Variants in SLC44A5 observed in about 807,000 individuals in gnomAD.
The protein encoded by SLC44A5 is solute carrier family 44 member 5.
In SLC44A5, 57 loss-of-function variants were observed where a neutral mutation model predicts 101.8. That is an observed-to-expected ratio of 0.56 (90% CI 0.45 to 0.70). The LOEUF is 0.70. Ranked by LOEUF, SLC44A5 falls within the 30% of genes least tolerant of loss-of-function variation. The pLI is 0.00. For synonymous variants in SLC44A5, 281 were observed against 290.9 expected (o/e 0.97, Z 0.35); for missense variants, 737 against 853.1 (o/e 0.86, Z 1.70).
chr1:75,357,216 C>T (rs1212492837), intron 3 of SLC44A5: 2 of 455,880 alleles, frequency 4.4e-6, no homozygotes, highest in Non-Finnish European at 8.8e-6. Flanking sequence ...TTGCTGGTGT[C>T]TTTCCAACCT....
chr1:75,424,795 G>A (rs548950606), intron 2 of SLC44A5, among the ~76,000 whole-genome samples: 7 of 152,140 alleles, frequency 4.6e-5, no homozygotes, highest in Admixed American at 1.3e-4. Flanking sequence ...GCAAGGAACA[G>A]GATTTACGTT....
At chr1:75,289,839 A>T (rs781780643) in intron 5 of SLC44A5, among the ~76,000 whole-genome samples, 1 of 152,236 alleles carries the variant, frequency 6.6e-6, no homozygotes, top group South Asian at 2.1e-4. Flanking sequence ...ATAGAGGCCA[A>T]TGATTTGGCT....
intron 2 of SLC44A5, among the ~76,000 whole-genome samples, chr1:75,528,367 A>G (rs991149595): frequency 4.6e-5 from 7 of 152,288 alleles, no homozygotes; most frequent in Middle Eastern, 3.4e-3. Flanking sequence ...TGAGAAGGAG[A>G]AAAAAAGGAT....
chr1:75,565,061 T>C (rs1457353632), intron 1 of SLC44A5, among the ~76,000 whole-genome samples: 1 of 152,194 alleles, frequency 6.6e-6, no homozygotes, highest in African/African-American at 2.4e-5. Context: ...AGAAAATAAA[T>C]GATTAGAAAT....
intron 1 of SLC44A5, among the ~76,000 whole-genome samples, chr1:75,564,199 A>C (rs548953278): frequency 1.3e-5 from 2 of 152,348 alleles, no homozygotes; most frequent in Admixed American, 1.3e-4. Context: ...AAACTACTGT[A>C]ATCTACTGTG....
intron 1 of SLC44A5, among the ~76,000 whole-genome samples, chr1:75,599,068 T>C (rs536705596): frequency 1.3e-5 from 2 of 152,280 alleles, no homozygotes; most frequent in East Asian, 3.9e-4. Flanking sequence ...AAAATAAAAT[T>C]ATGAAAATAT....
chr1:75,243,138 A>G, intron 7 of SLC44A5, 127 bp from the exon 8 acceptor site: 1 of 1,164,952 alleles, frequency 8.6e-7, no homozygotes. Context: ...TAAGAAACCT[A>G]AATCAATTTC....
intron 2 of SLC44A5, among the ~76,000 whole-genome samples, chr1:75,426,113 A>C (rs1322248360): frequency 6.6e-6 from 1 of 152,220 alleles, no homozygotes; most frequent in Non-Finnish European, 1.5e-5. Context: ...CCAAAAAAAG[A>C]AACGCTGAAA....
intron 2 of SLC44A5, among the ~76,000 whole-genome samples, chr1:75,527,065 G>T (rs1009800861): frequency 7.3e-5 from 11 of 151,498 alleles, no homozygotes; most frequent in Admixed American, 3.9e-4. Flanking sequence ...AAGCTGGGAG[G>T]CAGAGGCTGC....
intron 2 of SLC44A5, among the ~76,000 whole-genome samples, chr1:75,453,103 C>A (rs960176331): frequency 1.3e-5 from 2 of 152,122 alleles, no homozygotes; most frequent in African/African-American, 4.8e-5. Context: ...CTCATTTGCA[C>A]ACAGAAATTA....
the SLC44A5 span, among the ~76,000 whole-genome samples, chr1:75,683,789 T>C: frequency 3.0e-4 from 45 of 151,260 alleles, no homozygotes; most frequent in African/African-American, 1.1e-3. Flanking sequence ...TAAATAAGAC[T>C]TGGAAAAGAA....
chr1:75,332,453 A>G (rs1012954238), intron 4 of SLC44A5, among the ~76,000 whole-genome samples: 28 of 152,198 alleles, frequency 1.8e-4, no homozygotes, highest in Admixed American at 1.4e-3. Flanking sequence ...TAGAAATGAA[A>G]GCTTGAATGT....
chr1:75,553,239 G>T (rs554510276), intron 1 of SLC44A5, among the ~76,000 whole-genome samples: 1 of 152,180 alleles, frequency 6.6e-6, no homozygotes, highest in African/African-American at 2.4e-5. Context: ...ACTACCTATT[G>T]GGAGCCAGCC....
chr1:75,401,915 C>G (rs1662502593), intron 2 of SLC44A5, among the ~76,000 whole-genome samples: 2 of 152,062 alleles, frequency 1.3e-5, no homozygotes, highest in South Asian at 4.2e-4. Context: ...GCAATTCTAG[C>G]AGACAAAATT....
chr1:75,465,946 A>G (rs1666788719), intron 2 of SLC44A5, among the ~76,000 whole-genome samples: 1 of 152,220 alleles, frequency 6.6e-6, no homozygotes, highest in Non-Finnish European at 1.5e-5. Context: ...TTCTACAAAC[A>G]TTCAAAGAAA....
At chr1:75,488,960 T>C (rs1273484466) in intron 2 of SLC44A5, among the ~76,000 whole-genome samples, 1 of 152,198 alleles carries the variant, frequency 6.6e-6, no homozygotes, top group Non-Finnish European at 1.5e-5. Context: ...GCAATTCTCC[T>C]GCCTCAGCCT....
chr1:75,226,692 G>T (rs968485175), intron 13 of SLC44A5, among the ~76,000 whole-genome samples: 1 of 151,814 alleles, frequency 6.6e-6, no homozygotes, highest in African/African-American at 2.4e-5. Flanking sequence ...AATGTGTCTT[G>T]TCTGGCTCTC....
At chr1:75,499,382 C>T (rs527359724) in intron 2 of SLC44A5, among the ~76,000 whole-genome samples, 29 of 152,326 alleles carry the variant, frequency 1.9e-4, no homozygotes, top group African/African-American at 7.0e-4. Context: ...GAATCTAATG[C>T]CACCTCTGAT....
the SLC44A5 span, among the ~76,000 whole-genome samples, chr1:75,699,119 C>T: frequency 1.3e-5 from 2 of 152,046 alleles, no homozygotes; most frequent in Non-Finnish European, 2.9e-5. Flanking sequence ...TCTAGCAAGG[C>T]AGGCCAACGT....
Sources: allele counts gnomAD v4.1 joint callset (sites outside exome capture counted in the v4.1 genomes callset), GRCh38; gene constraint gnomAD v4.1.1; transcripts MANE v1.5; gene names NCBI Gene and HGNC (gene_info 2026-07-23, HGNC 2026-07-21).